OCA2: variants seen among roughly 807,000 people sequenced by gnomAD.
OCA2 encodes P protein.
A neutral mutation model predicts 100.2 loss-of-function variants in OCA2; 77 were observed. That is an observed-to-expected ratio of 0.77 (90% CI 0.64 to 0.93). OCA2 has a LOEUF of 0.93. Among genes scored for constraint, OCA2 ranks in the 40% least tolerant of loss-of-function variants. The probability of loss-of-function intolerance (pLI) is 0.00; values close to 1 mark genes in which losing one functional copy is unlikely to be tolerated. For synonymous variants in OCA2, 432 were observed against 439.2 expected, an observed-to-expected ratio of 0.98 and a Z score of 0.21; for missense variants, 1,062 against 1,089.1, an observed-to-expected ratio of 0.98 and a Z score of 0.35.
intron 23 of OCA2, among the ~76,000 whole-genome samples, chr15:27,776,096 T>C (rs917232418): frequency 6.6e-6 from 1 of 152,232 alleles, no homozygotes; most frequent in Non-Finnish European, 1.5e-5. Context: ...CTTTAGCCTT[T>C]GTAGTCTGTC....
the OCA2 span, among the ~76,000 whole-genome samples, chr15:27,726,285 G>A: frequency 4.6e-5 from 7 of 150,736 alleles, no homozygotes; most frequent in African/African-American, 1.2e-4. Flanking sequence ...GCGACAGAGC[G>A]AGACTCCAGC....
intron 19 of OCA2, among the ~76,000 whole-genome samples, chr15:27,915,457 T>C (rs534059503): frequency 1.9e-4 from 29 of 152,318 alleles, no homozygotes; most frequent in African/African-American, 7.0e-4. Context: ...TTGCACACTA[T>C]GTATCTGACA....
chr15:28,069,407 TCCCCCTCCCCCTCCCCCTCCC>T (rs2044141341), intron 2 of OCA2, among the ~76,000 whole-genome samples: 1 of 2,598 alleles, frequency 3.8e-4, no homozygotes, highest in Non-Finnish European at 6.5e-4. Context: ...CCCCTCCCCT[TCCCCCTCCCCCTCCCCCTCCC>T]CCTCCCCCTC....
chr15:27,899,182 A>G (rs2037825875), intron 19 of OCA2, among the ~76,000 whole-genome samples: 1 of 152,210 alleles, frequency 6.6e-6, no homozygotes, highest in Admixed American at 6.5e-5. Flanking sequence ...AAGAAAAACC[A>G]TATTATTTTC....
At chr15:27,816,876 C>T (rs574961400) in intron 23 of OCA2, among the ~76,000 whole-genome samples, 1 of 152,142 alleles carries the variant, frequency 6.6e-6, no homozygotes, top group East Asian at 1.9e-4. Context: ...TGGCACCCCA[C>T]CACCCCTCAC....
At chr15:27,882,288 G>C (rs1231732651) in intron 19 of OCA2, among the ~76,000 whole-genome samples, 1 of 152,122 alleles carries the variant, frequency 6.6e-6, no homozygotes, top group Non-Finnish European at 1.5e-5. Context: ...AATTTACACT[G>C]ATCTATTTCA....
At chr15:28,025,485 T>C (rs1030758022) in intron 4 of OCA2, among the ~76,000 whole-genome samples, 1 of 152,176 alleles carries the variant, frequency 6.6e-6, no homozygotes, top group Non-Finnish European at 1.5e-5. Flanking sequence ...ACCCATTTCT[T>C]AACCATGACC....
At chr15:27,794,758 A>T (rs1472216043) in intron 23 of OCA2, among the ~76,000 whole-genome samples, 1 of 152,124 alleles carries the variant, frequency 6.6e-6, no homozygotes, top group Non-Finnish European at 1.5e-5. Flanking sequence ...TTCTCGTTGG[A>T]ATGCCTACAT....
chr15:27,917,330 TAAG>T (rs780828854), intron 19 of OCA2, among the ~76,000 whole-genome samples: 2 of 152,138 alleles, frequency 1.3e-5, no homozygotes, highest in African/African-American at 2.4e-5. Context: ...ATTCTAAAGA[TAAG>T]AAAATTGAGG....
chr15:27,999,062 G>T (rs567911161), intron 9 of OCA2, among the ~76,000 whole-genome samples: 2 of 146,822 alleles, frequency 1.4e-5, no homozygotes, highest in Admixed American at 6.8e-5. Flanking sequence ...GGTGGGGAGA[G>T]GGGGGAGGGA....
At chr15:27,795,202 G>A (rs778494369) in intron 23 of OCA2, among the ~76,000 whole-genome samples, 47 of 152,212 alleles carry the variant, frequency 3.1e-4, no homozygotes, top group Non-Finnish European at 5.1e-4. Context: ...TTTCCGTAGC[G>A]TCTGTGCTCC....
chr15:28,081,289 GA>G (rs2044612988), intron 2 of OCA2, among the ~76,000 whole-genome samples: 1 of 151,978 alleles, frequency 6.6e-6, no homozygotes. Context: ...TTTCTGACAT[GA>G]AAAACAATAC....
At chr15:27,932,053 G>GA (rs1206805949) in intron 18 of OCA2, among the ~76,000 whole-genome samples, 2 of 152,184 alleles carry the variant, frequency 1.3e-5, no homozygotes, top group African/African-American at 4.8e-5. Context: ...GTCCAGTGGA[G>GA]AACACATGTA....
At chr15:27,831,219 G>A (rs2034937148) in intron 23 of OCA2, among the ~76,000 whole-genome samples, 1 of 148,052 alleles carries the variant, frequency 6.8e-6, no homozygotes, top group Non-Finnish European at 1.5e-5. Flanking sequence ...CAGGGAGTCC[G>A]AGGTTGCAGC....
At chr15:27,772,783 G>A (rs1303409392) in intron 23 of OCA2, among the ~76,000 whole-genome samples, 1 of 150,202 alleles carries the variant, frequency 6.7e-6, no homozygotes, top group Non-Finnish European at 1.5e-5. Context: ...GGAGGTTGCA[G>A]TGAGCTGAGA....
intron 2 of OCA2, among the ~76,000 whole-genome samples, chr15:28,072,042 A>G (rs1006665389): frequency 1.3e-5 from 2 of 152,242 alleles, no homozygotes; most frequent in Non-Finnish European, 1.5e-5. Flanking sequence ...TCCGGAATCT[A>G]TTAGGAACTT....
At chr15:28,029,658 A>G (rs1379123887) in intron 3 of OCA2, among the ~76,000 whole-genome samples, 3 of 152,230 alleles carry the variant, frequency 2.0e-5, no homozygotes, top group Non-Finnish European at 4.4e-5. Flanking sequence ...GTCAGTTCAG[A>G]TACAGGGCAT....
chr15:28,019,880 C>G (rs1345525500), intron 6 of OCA2, among the ~76,000 whole-genome samples: 2 of 152,206 alleles, frequency 1.3e-5, no homozygotes, highest in Admixed American at 1.3e-4. Flanking sequence ...CAAAGCTCAG[C>G]TTTCACAAAG....
At chr15:28,093,710 G>T (rs181248668) in intron 1 of OCA2, among the ~76,000 whole-genome samples, 1 of 152,278 alleles carries the variant, frequency 6.6e-6, no homozygotes, top group African/African-American at 2.4e-5. Context: ...GTCCGTAGGG[G>T]AGTGTGAAAT....
Sources: gnomAD v4.1 joint callset for allele counts (sites outside exome capture counted in the v4.1 genomes callset) on GRCh38, gnomAD v4.1.1 for gene constraint, MANE v1.5 for transcripts, NCBI Gene and HGNC (gene_info 2026-07-23, HGNC 2026-07-21) for gene names.